The following ABCA1 variants were observed in gnomAD, a reference collection of about 807,000 sequenced individuals.
The protein encoded by ABCA1 is ATP binding cassette subfamily A member 1.
ABCA1 carries 133 observed loss-of-function variants against 262.5 expected under a neutral mutation model. The observed-to-expected ratio is 0.51, with a 90% CI of 0.44 to 0.59. The LOEUF is 0.59. Ranked by LOEUF, ABCA1 falls within the 20% of genes least tolerant of loss-of-function variation. ABCA1 has a pLI of 0.00. For missense variants in ABCA1, 2,452 were observed against 2,777.5 expected (o/e 0.88, Z 2.63); for synonymous variants, 1,022 against 1,043.5 (o/e 0.98, Z 0.40).
At chr9:104,893,448 A>G (rs866336913) in intron 2 of ABCA1, among the ~76,000 whole-genome samples, 22 of 148,848 alleles carry the variant, frequency 1.5e-4, no homozygotes, top group Admixed American at 4.0e-4. Context: ...AAAAAAAAAA[A>G]AAAAGAAAAG....
intron 44 of ABCA1, among the ~76,000 whole-genome samples, chr9:104,790,354 A>T (rs1318444811): frequency 1.3e-5 from 2 of 152,216 alleles, no homozygotes; most frequent in African/African-American, 4.8e-5. Flanking sequence ...AATGGAAACT[A>T]ATGTGTCCAA....
intron 2 of ABCA1, among the ~76,000 whole-genome samples, chr9:104,897,166 G>A (rs1003532049): frequency 1.3e-5 from 2 of 152,130 alleles, no homozygotes; most frequent in African/African-American, 4.8e-5. Flanking sequence ...CAGCATACAT[G>A]CCAATGAGAC....
intron 18 of ABCA1, among the ~76,000 whole-genome samples, chr9:104,822,893 A>G (rs1222456575): frequency 6.6e-6 from 1 of 152,174 alleles, no homozygotes. Context: ...TATTGGGAAA[A>G]AGGACTTGAT....
intron 7 of ABCA1, among the ~76,000 whole-genome samples, chr9:104,854,796 T>C (rs1031497415): frequency 3.3e-5 from 5 of 152,224 alleles, no homozygotes; most frequent in African/African-American, 1.2e-4. Flanking sequence ...GTCTCCCTCA[T>C]GACTAAGTGC....
chr9:104,834,709 G>A (rs1004626514), intron 11 of ABCA1, among the ~76,000 whole-genome samples: 2 of 143,022 alleles, frequency 1.4e-5, no homozygotes, highest in African/African-American at 5.1e-5. Flanking sequence ...AGGTCCCGAG[G>A]ATGGGTGGCT....
chr9:104,816,040 A>C (rs1405221551), intron 25 of ABCA1, 103 bp downstream of exon 25: 1 of 1,318,684 alleles, frequency 7.6e-7, no homozygotes, highest in Non-Finnish European at 1.1e-6. Context: ...CTAAAAACTC[A>C]ATGACTAACT....
chr9:104,825,496 A>T (rs972375012), intron 17 of ABCA1, 187 bp downstream of exon 17: 6 of 667,350 alleles, frequency 9.0e-6, no homozygotes, highest in Non-Finnish European at 1.6e-5. Flanking sequence ...TTCAAGAAAC[A>T]AGTGCTGTAC....
intron 13 of ABCA1, 89 bp from the exon 14 acceptor site, chr9:104,831,190 C>T (rs1279782345): frequency 1.7e-6 from 2 of 1,184,840 alleles, no homozygotes; most frequent in African/African-American, 1.6e-5. Flanking sequence ...ACCCTACTAC[C>T]CTTACCAAGC....
intron 7 of ABCA1, among the ~76,000 whole-genome samples, chr9:104,853,504 C>A (rs935416613): frequency 6.6e-6 from 1 of 152,194 alleles, no homozygotes; most frequent in African/African-American, 2.4e-5. Context: ...CCAGACTCAG[C>A]CTTCAGCCTG....
chr9:104,864,579 A>T (rs1836918063), intron 5 of ABCA1, among the ~76,000 whole-genome samples: 1 of 152,128 alleles, frequency 6.6e-6, no homozygotes, highest in East Asian at 1.9e-4. Context: ...CTATAAAATG[A>T]AGGGTCAAAA....
chr9:104,812,608 A>G lies in ABCA1; in HGVS notation c.4016T>C (p.Ile1339Thr), dbSNP rs555967590. ...FVALLWKRLL[I>T]ARRSRKGFFA... ...AAATCCTTTCCGACTCCGTCTGGCA[A>G]TTAGCAGTCTCTTCCACAAAAGGGC... Residue 1339 changes from isoleucine to threonine, a missense_variant, in exon 28 of 50, where the codon ATT (isoleucine) becomes ACT (threonine). By Grantham distance (89) the Ile-to-Thr change is moderately conservative. Coordinates refer to ENST00000374736, the MANE Select transcript of ABCA1 (RefSeq NM_005502.4). 6.2e-7 allele frequency: 1 copy of G among 1,614,196 alleles called. No individual in the cohort carries two copies. The highest frequency in any genetic ancestry group is 1.3e-5 in the African/African-American group (1 of 75,044).
intron 7 of ABCA1, among the ~76,000 whole-genome samples, chr9:104,849,328 T>C (rs191107233): frequency 5.7e-4 from 87 of 152,338 alleles, no homozygotes; most frequent in African/African-American, 2.0e-3. Context: ...TTCAATGCCA[T>C]ATCTTATGAT....
chr9:104,913,941 AG>A (rs1841665746), intron 1 of ABCA1, among the ~76,000 whole-genome samples: 1 of 147,290 alleles, frequency 6.8e-6, no homozygotes, highest in Non-Finnish European at 1.5e-5. Flanking sequence ...GACTACCGAC[AG>A]CCGCCTGCCA....
In ABCA1 at chr9:104,840,259, G is replaced by T; in HGVS notation, c.1054+20C>A. On this transcript the variant is annotated intron_variant, in intron 9 of 49. Transcript: ENST00000374736. ...AGGGATGGGGTTGGGGACAGGGCTG[G>T]GGTCTGCATGGACACTCACTTGTAG... 6.2e-7 allele frequency: 1 copy of T among 1,614,056 alleles called. No homozygotes were observed. Among genetic ancestry groups the T allele is most frequent in the Non-Finnish European group, 8.5e-7 (1 of 1,180,032 alleles).
At chr9:104,855,053 G>A in intron 7 of ABCA1, 1 of 659,028 alleles carries the variant, frequency 1.5e-6, no homozygotes, top group East Asian at 1.4e-4. Context: ...TTCACACAAG[G>A]TACGGACTGA....
intron 7 of ABCA1, among the ~76,000 whole-genome samples, chr9:104,851,630 G>A (rs1835388388): frequency 6.6e-6 from 1 of 152,172 alleles, no homozygotes; most frequent in Non-Finnish European, 1.5e-5. Context: ...TGCAGTAGGA[G>A]GCCCCATCAG....
intron 2 of ABCA1, among the ~76,000 whole-genome samples, chr9:104,900,985 AACT>A (rs1840619813): frequency 6.6e-6 from 1 of 152,136 alleles, no homozygotes; most frequent in South Asian, 2.1e-4. Flanking sequence ...CAAGGCTACA[AACT>A]GCCTTTGGCT....
chr9:104,822,440 C>T (rs1832446712), intron 19 of ABCA1, 56 bp downstream of exon 19: 1 of 1,606,926 alleles, frequency 6.2e-7, no homozygotes, highest in Non-Finnish European at 8.5e-7. Context: ...AAATTTCTAA[C>T]TCTACTGCAG....
chr9:104,919,913 C>G (rs62568202), intron 1 of ABCA1, among the ~76,000 whole-genome samples: 15,960 of 152,238 alleles, frequency 0.1, 1,072 homozygotes, highest in East Asian at 0.35. Flanking sequence ...CAGGAATGCT[C>G]TGAGGCATTC....
Sources: gnomAD v4.1 joint callset for allele counts (sites outside exome capture counted in the v4.1 genomes callset) on GRCh38, gnomAD v4.1.1 for gene constraint, MANE v1.5 for transcripts, NCBI Gene and HGNC (gene_info 2026-07-23, HGNC 2026-07-21) for gene names.